SNTG2: variants seen among roughly 807,000 people sequenced by gnomAD.
SNTG2 encodes gamma-2-syntrophin.
A neutral mutation model predicts 70.9 loss-of-function variants in SNTG2; 74 were observed. The ratio of observed to expected loss-of-function variants is 1.04; its 90% CI spans 0.86 to 1.27. The LOEUF is 1.27. Among genes scored for constraint, SNTG2 ranks in the 50% most tolerant of loss-of-function variants. The pLI is 0.00. For missense variants in SNTG2, 717 were observed against 690.7 expected, an observed-to-expected ratio of 1.04 and a Z score of -0.43; for synonymous variants, 278 against 273.8, an observed-to-expected ratio of 1.02 and a Z score of -0.15.
chr2:1,250,778 C>T (rs1204834664), intron 12 of SNTG2, among the ~76,000 whole-genome samples: 1 of 152,148 alleles, frequency 6.6e-6, no homozygotes, highest in South Asian at 2.1e-4. Context: ...TTGCTCTTCT[C>T]GAGGTCTCTT....
At chr2:1,259,738 C>A (rs939335784) in intron 13 of SNTG2, among the ~76,000 whole-genome samples, 8 of 152,180 alleles carry the variant, frequency 5.3e-5, no homozygotes, top group African/African-American at 1.9e-4. Context: ...CACTTACAAT[C>A]ATTTATTCCA....
At chr2:984,652 C>T (rs1415086932) in intron 1 of SNTG2, among the ~76,000 whole-genome samples, 1 of 152,224 alleles carries the variant, frequency 6.6e-6, no homozygotes, top group Non-Finnish European at 1.5e-5. Flanking sequence ...GAAATTGCTC[C>T]TTCACTTGGC....
At chr2:1,198,536 C>T (rs1409079697) in intron 8 of SNTG2, among the ~76,000 whole-genome samples, 1 of 150,348 alleles carries the variant, frequency 6.7e-6, no homozygotes, top group Non-Finnish European at 1.5e-5. Flanking sequence ...CAAACTAAAG[C>T]CAAAAGTAGC....
intron 14 of SNTG2, among the ~76,000 whole-genome samples, chr2:1,270,091 G>A (rs1383801290): frequency 1.3e-5 from 2 of 152,118 alleles, no homozygotes; most frequent in African/African-American, 4.8e-5. Context: ...GACCTCTCAG[G>A]GCATTGAATT....
At chr2:1,063,319 A>G (rs62105936) in intron 1 of SNTG2, among the ~76,000 whole-genome samples, 26,947 of 152,150 alleles carry the variant, frequency 0.18, 2,465 homozygotes, top group South Asian at 0.22. Context: ...CATTTAGCTG[A>G]GTGGGGTGCA....
chr2:1,055,146 G>A (rs534219041), intron 1 of SNTG2, among the ~76,000 whole-genome samples: 83 of 152,280 alleles, frequency 5.5e-4, no homozygotes, highest in East Asian at 1.2e-3. Flanking sequence ...CATTGTAGAC[G>A]TGGCCCTGAC....
rs532233773 is a variant in SNTG2 at position 1,167,915 on chromosome 2, G to A, written c.499+2280G>A. Among the ~76,000 whole-genome samples the A allele has an allele frequency of 1.6e-4, 18 of 110,476 alleles. No individual in the cohort carries two copies. In the East Asian group the frequency reaches 2.6e-3, roughly 16 times the overall value. 72.5% of individuals were successfully genotyped at this position (110,476 alleles called of 152,430 possible). A position where few individuals can be genotyped will look rare whatever the true frequency, so the allele number is the denominator to read the frequency against. The stretch of plus-strand genomic sequence containing the variant: ...GCCGCCCACAGACGGCAGAACTGAA[G>A]CCTAGAAGCCGCCCACAGACGGCAG... On this transcript the variant is annotated intron_variant, in intron 7 of 16. Coordinates refer to ENST00000308624, the MANE Select transcript of SNTG2 (RefSeq NM_018968.4).
At chr2:1,248,553 C>T (rs1677571904) in intron 12 of SNTG2, among the ~76,000 whole-genome samples, 1 of 152,236 alleles carries the variant, frequency 6.6e-6, no homozygotes, top group African/African-American at 2.4e-5. Flanking sequence ...CTGAATTCCC[C>T]TCAAAACAAA....
intron 1 of SNTG2, among the ~76,000 whole-genome samples, chr2:979,570 G>A (rs1661033808): frequency 6.6e-6 from 1 of 152,122 alleles, no homozygotes; most frequent in South Asian, 2.1e-4. Flanking sequence ...GCTGGGAGGT[G>A]TCCTAAACTC....
At chr2:1,279,182 T>G (rs1226165325) in intron 14 of SNTG2, among the ~76,000 whole-genome samples, 1 of 152,042 alleles carries the variant, frequency 6.6e-6, no homozygotes, top group Admixed American at 6.5e-5. Context: ...CACCCAGTAG[T>G]CACTTAGCAA....
At chr2:1,351,717 C>A (rs1479118334) in intron 16 of SNTG2, among the ~76,000 whole-genome samples, 1 of 152,204 alleles carries the variant, frequency 6.6e-6, no homozygotes, top group Non-Finnish European at 1.5e-5. Flanking sequence ...GGGAAAAGCA[C>A]CTGCTCATTT....
chr2:1,267,138 C>T (rs1646328208), intron 13 of SNTG2, among the ~76,000 whole-genome samples: 1 of 152,192 alleles, frequency 6.6e-6, no homozygotes, highest in African/African-American at 2.4e-5. Flanking sequence ...AAGGCACTTA[C>T]AGAGAATTAA....
At chr2:1,225,389 T>C (rs1675701808) in intron 9 of SNTG2, among the ~76,000 whole-genome samples, 1 of 152,194 alleles carries the variant, frequency 6.6e-6, no homozygotes, top group South Asian at 2.1e-4. Flanking sequence ...TTTAAAGACG[T>C]ATGCAGGAGT....
chr2:996,505 A>G (rs1346978742), intron 1 of SNTG2, among the ~76,000 whole-genome samples: 1 of 152,110 alleles, frequency 6.6e-6, no homozygotes, highest in Non-Finnish European at 1.5e-5. Context: ...TGGGAAAGTA[A>G]AATGTAGATA....
At chr2:1,177,720 TAGACCAGCACTTTA>T (rs1196466869) in intron 8 of SNTG2, among the ~76,000 whole-genome samples, 1 of 152,118 alleles carries the variant, frequency 6.6e-6, no homozygotes, top group African/African-American at 2.4e-5. Context: ...TTATTTCCAG[TAGACCAGCACTTTA>T]AATTTATTTT....
intron 8 of SNTG2, among the ~76,000 whole-genome samples, chr2:1,205,486 A>G (rs1673575981): frequency 1.3e-5 from 2 of 152,254 alleles, no homozygotes; most frequent in South Asian, 4.2e-4. Flanking sequence ...AGAGTCGGGG[A>G]GCTTATGCTT....
At chr2:1,350,076 A>G (rs1015575058) in intron 16 of SNTG2, among the ~76,000 whole-genome samples, 2 of 152,234 alleles carry the variant, frequency 1.3e-5, no homozygotes, top group African/African-American at 4.8e-5. Context: ...ATGCCCATTT[A>G]GGAAATCGGA....
chr2:1,179,826 G>C (rs1463922307), intron 8 of SNTG2, among the ~76,000 whole-genome samples: 1 of 143,790 alleles, frequency 7.0e-6, no homozygotes, highest in Non-Finnish European at 1.5e-5. Context: ...ATACTACAAG[G>C]CTACAGTAAC....
At chr2:1,025,640 C>T (rs142451251) in intron 1 of SNTG2, among the ~76,000 whole-genome samples, 29 of 152,298 alleles carry the variant, frequency 1.9e-4, no homozygotes, top group Middle Eastern at 6.8e-3. Flanking sequence ...ACATCATCTT[C>T]ACAGCCAGCG....
Sources: allele counts gnomAD v4.1 joint callset (sites outside exome capture counted in the v4.1 genomes callset), GRCh38; gene constraint gnomAD v4.1.1; transcripts MANE v1.5; gene names NCBI Gene and HGNC (gene_info 2026-07-23, HGNC 2026-07-21).